WDR64: variants seen among roughly 807,000 people sequenced by gnomAD.
WDR64 encodes WD repeat-containing protein 64.
In WDR64, 112 loss-of-function variants were observed where a neutral mutation model predicts 139.3. The observed-to-expected ratio is 0.80, with a 90% CI of 0.69 to 0.94. The LOEUF is 0.94. WDR64 is among the 40% of genes least tolerant of loss of function. The pLI is 0.00. For synonymous variants in WDR64, 444 were observed against 437.7 expected (o/e 1.01, Z -0.18); for missense variants, 1,206 against 1,293.1 (o/e 0.93, Z 1.03).
At chr1:241,731,264 T>C (rs1377693002) in intron 10 of WDR64, among the ~76,000 whole-genome samples, 2 of 151,726 alleles carry the variant, frequency 1.3e-5, no homozygotes, top group Non-Finnish European at 2.9e-5. Flanking sequence ...GTCCCAGCTA[T>C]GCAGGAGGCT....
rs73124312 is a variant in WDR64, at chr1:241,747,274, G to A, written c.1595-2273G>A. ...ACGGTAAAATTGTGAAGAACTAAAC[G>A]CATACACACACGAGTGCACGTAAAA... On this transcript the variant is annotated intron_variant, in intron 13 of 27. Transcript: ENST00000437684. Among the ~76,000 whole-genome samples, 1,387 of 152,226 alleles carry A rather than the reference G, an allele frequency of 9.1e-3. 24 individuals carry two copies. Among genetic ancestry groups the A allele is most frequent in the African/African-American group, 0.032 (1,336 of 41,520 alleles).
In WDR64 at chr1:241,775,226, T is replaced by C; in HGVS notation, c.2536+16T>C. On this transcript the variant is annotated intron_variant, in intron 21 of 27. Transcript: ENST00000437684. ...GGAAATGTGGGTGAGTCATTACTCT[T>C]AGACATTCAGTGACAGGTGTCTTAA... The C allele has an allele frequency of 6.5e-7, 1 of 1,541,384 alleles. No homozygotes were observed. Among genetic ancestry groups the C allele is most frequent in the Non-Finnish European group, 8.8e-7 (1 of 1,141,036 alleles).
chr1:241,763,939 T>C (rs1368127274), intron 15 of WDR64, among the ~76,000 whole-genome samples: 4 of 152,128 alleles, frequency 2.6e-5, no homozygotes, highest in Non-Finnish European at 5.9e-5. Flanking sequence ...GGATAATTGC[T>C]GAATTATAGC....
intron 4 of WDR64, among the ~76,000 whole-genome samples, chr1:241,675,444 G>T (rs1465004853): frequency 6.6e-6 from 1 of 152,042 alleles, no homozygotes; most frequent in Admixed American, 6.6e-5. Flanking sequence ...AGATTGCTGT[G>T]CTCTGTGGCA....
chr1:241,664,015 A>G (rs994726022), intron 2 of WDR64, among the ~76,000 whole-genome samples: 2 of 152,262 alleles, frequency 1.3e-5, no homozygotes, highest in African/African-American at 2.4e-5. Flanking sequence ...TAGCCACCCA[A>G]AGATTTTTGA....
At chr1:241,779,927 C>T (rs1658786890) in intron 21 of WDR64, 77 bp from the exon 22 acceptor site, 2 of 1,117,704 alleles carry the variant, frequency 1.8e-6, no homozygotes, top group African/African-American at 3.3e-5. Flanking sequence ...ATACCTAAAT[C>T]AAAATAACTT....
At chr1:241,760,590 A>T (rs1009020567) in intron 15 of WDR64, among the ~76,000 whole-genome samples, 1 of 150,880 alleles carries the variant, frequency 6.6e-6, no homozygotes, top group African/African-American at 2.4e-5. Context: ...TTAGAAGGAA[A>T]AGAACAACTT....
intron 9 of WDR64, among the ~76,000 whole-genome samples, chr1:241,715,949 T>A (rs1468490525): frequency 6.6e-6 from 1 of 152,160 alleles, no homozygotes; most frequent in East Asian, 1.9e-4. Flanking sequence ...AAAACGTGTT[T>A]ATTATAGGTT....
intron 23 of WDR64, among the ~76,000 whole-genome samples, chr1:241,783,671 A>G (rs1658930904): frequency 6.6e-6 from 1 of 152,236 alleles, no homozygotes; most frequent in South Asian, 2.1e-4. Flanking sequence ...ATTAAGCAAG[A>G]TAGCTATCTC....
intron 20 of WDR64, 32 bp from the exon 21 acceptor site, chr1:241,775,072 GA>G: frequency 6.7e-7 from 1 of 1,498,814 alleles, no homozygotes; most frequent in South Asian, 1.3e-5. Context: ...TACTAGCAAA[GA>G]AAAAGTTTTA....
chr1:241,763,550 C>T (rs187107970), intron 15 of WDR64, among the ~76,000 whole-genome samples: 4 of 152,194 alleles, frequency 2.6e-5, no homozygotes, highest in Admixed American at 1.3e-4. Context: ...AATAAAAATA[C>T]AAAAGTTAGC....
chr1:241,704,588 C>G (rs1471508859), intron 8 of WDR64, among the ~76,000 whole-genome samples: 2 of 152,134 alleles, frequency 1.3e-5, no homozygotes, highest in Non-Finnish European at 2.9e-5. Flanking sequence ...ATTTGTAATT[C>G]ATTTAATTAT....
intron 13 of WDR64, among the ~76,000 whole-genome samples, chr1:241,746,570 T>C (rs1433491238): frequency 7.2e-6 from 1 of 138,194 alleles, no homozygotes; most frequent in East Asian, 2.0e-4. Flanking sequence ...AACCAAAAAC[T>C]GAAAAAAAAA....
chr1:241,759,494 C>T (rs143480021), intron 15 of WDR64, among the ~76,000 whole-genome samples: 277 of 152,196 alleles, frequency 1.8e-3, no homozygotes, highest in African/African-American at 6.2e-3. Flanking sequence ...ACCTTGTTCC[C>T]TTCTTAACCT....
intron 6 of WDR64, among the ~76,000 whole-genome samples, chr1:241,681,316 T>C (rs183825638): frequency 6.6e-6 from 1 of 152,306 alleles, no homozygotes; most frequent in Admixed American, 6.5e-5. Flanking sequence ...TGTGTCATTT[T>C]TATGCCTTTG....
chr1:241,784,894 T>C (rs1658977785), intron 23 of WDR64, among the ~76,000 whole-genome samples: 1 of 132,202 alleles, frequency 7.6e-6, no homozygotes. Context: ...GCGGAGATTG[T>C]AGTGAGCCGA....
chr1:241,748,456 C>A (rs1391999380), intron 13 of WDR64, among the ~76,000 whole-genome samples: 1 of 152,176 alleles, frequency 6.6e-6, no homozygotes, highest in Non-Finnish European at 1.5e-5. Flanking sequence ...AGGGGCAAGG[C>A]AGATCCTTGG....
chr1:241,762,254 A>G (rs976263498), intron 15 of WDR64, among the ~76,000 whole-genome samples: 4 of 152,180 alleles, frequency 2.6e-5, no homozygotes, highest in African/African-American at 9.7e-5. Flanking sequence ...GTACATCTCC[A>G]TCAGAGCTCC....
At chr1:241,735,345 G>GC (rs71174839) in intron 10 of WDR64, among the ~76,000 whole-genome samples, 94,582 of 151,700 alleles carry the variant, frequency 0.62, 29,526 homozygotes, top group Middle Eastern at 0.69. Flanking sequence ...GTGTCTTTGT[G>GC]TTGTTGCTTT....
Sources: gnomAD v4.1 joint callset for allele counts (sites outside exome capture counted in the v4.1 genomes callset) on GRCh38, gnomAD v4.1.1 for gene constraint, MANE v1.5 for transcripts, NCBI Gene and HGNC (gene_info 2026-07-23, HGNC 2026-07-21) for gene names.